IMMP2L: variants seen among roughly 807,000 people sequenced by gnomAD.
The protein encoded by IMMP2L is mitochondrial inner membrane protease subunit 2.
A neutral mutation model predicts 19.3 loss-of-function variants in IMMP2L; 18 were observed. That is an observed-to-expected ratio of 0.93 (90% CI 0.64 to 1.38). The LOEUF is 1.38. Among genes scored for constraint, IMMP2L ranks in the 40% most tolerant of loss-of-function variants. IMMP2L has a pLI of 0.00. For synonymous variants in IMMP2L, 76 were observed against 73.0 expected (o/e 1.04, Z -0.21); for missense variants, 233 against 218.2 (o/e 1.07, Z -0.43).
At chr7:111,335,068 A>T (rs1449224739) in intron 3 of IMMP2L, among the ~76,000 whole-genome samples, 1 of 152,052 alleles carries the variant, frequency 6.6e-6, no homozygotes, top group Non-Finnish European at 1.5e-5. Context: ...CTCAGCTGAG[A>T]TTCACACTTA....
intron 1 of IMMP2L, among the ~76,000 whole-genome samples, chr7:111,558,579 A>C (rs1437168565): frequency 3.3e-5 from 5 of 152,190 alleles, no homozygotes; most frequent in Non-Finnish European, 7.4e-5. Flanking sequence ...AAACCTAAGA[A>C]TGACAACCTC....
chr7:111,358,333 C>T (rs1232558941), intron 3 of IMMP2L, among the ~76,000 whole-genome samples: 3 of 151,342 alleles, frequency 2.0e-5, no homozygotes, highest in African/African-American at 4.9e-5. Flanking sequence ...TAGGCAACCC[C>T]GAAACGTTAA....
chr7:111,305,538 G>A (rs1413186819), intron 3 of IMMP2L, among the ~76,000 whole-genome samples: 1 of 150,772 alleles, frequency 6.6e-6, no homozygotes, highest in East Asian at 1.9e-4. Flanking sequence ...GCAGTGGCAC[G>A]ATCTCAGCTC....
intron 3 of IMMP2L, among the ~76,000 whole-genome samples, chr7:111,188,609 C>T (rs149755239): frequency 1.2e-3 from 179 of 152,192 alleles, no homozygotes; most frequent in Admixed American, 4.8e-3. Context: ...GCTTATTAGA[C>T]GGCTCTGCTC....
chr7:111,002,994 GT>G (rs1401281283), intron 3 of IMMP2L, among the ~76,000 whole-genome samples: 1 of 152,084 alleles, frequency 6.6e-6, no homozygotes, highest in African/African-American at 2.4e-5. Flanking sequence ...TTCCTTATAT[GT>G]TCTCTGAGGA....
At chr7:111,143,966 GA>G (rs1204213573) in intron 3 of IMMP2L, among the ~76,000 whole-genome samples, 27 of 151,952 alleles carry the variant, frequency 1.8e-4, no homozygotes, top group African/African-American at 6.3e-4. Context: ...ACCCTGTTTG[GA>G]AAACTTTAAA....
chr7:111,360,034 C>T (rs1829109819), intron 3 of IMMP2L, among the ~76,000 whole-genome samples: 1 of 152,036 alleles, frequency 6.6e-6, no homozygotes, highest in Admixed American at 6.6e-5. Context: ...CATCTGTTCA[C>T]AATTCCTATC....
At chr7:111,212,191 T>A (rs1376712138) in intron 3 of IMMP2L, among the ~76,000 whole-genome samples, 2 of 152,088 alleles carry the variant, frequency 1.3e-5, no homozygotes, top group Non-Finnish European at 1.5e-5. Flanking sequence ...TCTCTCTCTT[T>A]CTCAACTTTC....
At chr7:111,023,652 A>G (rs1382494002) in intron 3 of IMMP2L, among the ~76,000 whole-genome samples, 1 of 152,186 alleles carries the variant, frequency 6.6e-6, no homozygotes, top group African/African-American at 2.4e-5. Flanking sequence ...GGTTGCAGTG[A>G]GCCGAGATCA....
intron 3 of IMMP2L, among the ~76,000 whole-genome samples, chr7:111,114,712 C>T (rs1180522414): frequency 6.8e-6 from 1 of 147,854 alleles, no homozygotes; most frequent in Non-Finnish European, 1.5e-5. Flanking sequence ...TGCCCTCTAG[C>T]CTGGGCAACA....
At chr7:110,793,186 G>A (rs1039479465) in intron 5 of IMMP2L, among the ~76,000 whole-genome samples, 5 of 151,996 alleles carry the variant, frequency 3.3e-5, no homozygotes, top group African/African-American at 4.8e-5. Flanking sequence ...TTGGGAGGCC[G>A]AAGTGGGTGG....
chr7:111,527,259 A>G (rs1846959464), intron 1 of IMMP2L, among the ~76,000 whole-genome samples: 1 of 152,032 alleles, frequency 6.6e-6, no homozygotes, highest in Non-Finnish European at 1.5e-5. Context: ...ATCTCTAAAA[A>G]TTTAAAAATT....
chr7:110,702,015 G>A (rs991331226), intron 5 of IMMP2L, among the ~76,000 whole-genome samples: 2 of 151,372 alleles, frequency 1.3e-5, no homozygotes, highest in Non-Finnish European at 2.9e-5. Flanking sequence ...CTGCAGCCTC[G>A]ACCTCCCAGG....
intron 3 of IMMP2L, among the ~76,000 whole-genome samples, chr7:111,120,785 T>G (rs2129587859): frequency 6.6e-6 from 1 of 152,288 alleles, no homozygotes; most frequent in African/African-American, 2.4e-5. Context: ...GGGAAACAGC[T>G]AATACCACTA....
intron 3 of IMMP2L, among the ~76,000 whole-genome samples, chr7:111,238,322 C>T (rs1328376218): frequency 1.3e-5 from 2 of 152,004 alleles, no homozygotes; most frequent in African/African-American, 2.4e-5. Context: ...TTTTAAATCT[C>T]GGCTCCACCA....
intron 1 of IMMP2L, among the ~76,000 whole-genome samples, chr7:111,534,681 A>C (rs1218390225): frequency 6.6e-6 from 1 of 152,150 alleles, no homozygotes; most frequent in Non-Finnish European, 1.5e-5. Flanking sequence ...ATATAGGAAA[A>C]TGACGTCAGT....
intron 4 of IMMP2L, among the ~76,000 whole-genome samples, chr7:110,940,251 G>A (rs1020294020): frequency 2.0e-5 from 3 of 151,428 alleles, no homozygotes; most frequent in East Asian, 2.0e-4. Context: ...CCTGGGAGTT[G>A]GAGCTTGCAG....
Position 110,994,001 on chromosome 7 carries a change from C to A in IMMP2L, c.240-30436G>T, listed in dbSNP as rs571581635. ...TCCACACTTCCATGTTAGAACGTAT[C>A]TTCTCTTACTTGGAAAAAAAAAAGG... On this transcript the variant is annotated intron_variant, in intron 3 of 5. Coordinates refer to ENST00000405709, the MANE Select transcript of IMMP2L (RefSeq NM_032549.4). 6.6e-5 allele frequency among the ~76,000 whole-genome samples: 10 copies of A among 151,950 alleles called. No individual in the cohort carries two copies. In the East Asian group the frequency reaches 1.4e-3, roughly 21 times the overall value.
intron 3 of IMMP2L, among the ~76,000 whole-genome samples, chr7:111,216,352 T>C (rs184809357): frequency 6.6e-6 from 1 of 152,302 alleles, no homozygotes; most frequent in Admixed American, 6.5e-5. Flanking sequence ...TCAAGATACA[T>C]TCCACATCTT....
Sources: gnomAD v4.1 joint callset for allele counts (sites outside exome capture counted in the v4.1 genomes callset) on GRCh38, gnomAD v4.1.1 for gene constraint, MANE v1.5 for transcripts, NCBI Gene and HGNC (gene_info 2026-07-23, HGNC 2026-07-21) for gene names.